The following MMP12 variants were observed in gnomAD, a reference collection of about 807,000 sequenced individuals.
The protein encoded by MMP12 is matrix metallopeptidase 12.
MMP12 carries 51 observed loss-of-function variants against 45.2 expected under a neutral mutation model. That is an observed-to-expected ratio of 1.13 (90% CI 0.90 to 1.42). The LOEUF is 1.42. Ranked by LOEUF, MMP12 falls within the 40% of genes most tolerant of loss-of-function variation. MMP12 has a pLI of 0.00. For synonymous variants in MMP12, 210 were observed against 193.3 expected, an observed-to-expected ratio of 1.09 and a Z score of -0.72; for missense variants, 530 against 570.8, an observed-to-expected ratio of 0.93 and a Z score of 0.73.
chr11:102,871,380 T>C (rs540603781), intron 4 of MMP12, among the ~76,000 whole-genome samples: 2 of 152,300 alleles, frequency 1.3e-5, no homozygotes, highest in African/African-American at 2.4e-5. Context: ...TCTAGTTTAA[T>C]ATCCTCAATT....
chr11:102,863,766 A>C (rs1332116270), intron 9 of MMP12, among the ~76,000 whole-genome samples: 1 of 152,182 alleles, frequency 6.6e-6, no homozygotes, highest in Non-Finnish European at 1.5e-5. Flanking sequence ...GGACTATAGG[A>C]AAGGTCAAGA....
chr11:102,870,677 C>G (rs1859477455), intron 4 of MMP12, among the ~76,000 whole-genome samples: 1 of 152,178 alleles, frequency 6.6e-6, no homozygotes, highest in Non-Finnish European at 1.5e-5. Context: ...CCCATGTCAA[C>G]TATCTGAGGA....
chr11:102,864,301 T>C (rs781873608), intron 8 of MMP12, 49 bp from the exon 9 acceptor site: 5 of 1,288,794 alleles, frequency 3.9e-6, no homozygotes, highest in Non-Finnish European at 5.6e-6. Flanking sequence ...GTGGCTTTCC[T>C]GACATGCACC....
At chr11:102,874,812 A>T (rs1555009851) in intron 1 of MMP12, 24 bp downstream of exon 1, 1 of 1,393,352 alleles carries the variant, frequency 7.2e-7, no homozygotes, top group South Asian at 1.2e-5. Flanking sequence ...CAAGCTCGAT[A>T]AATACTGTAG....
intron 1 of MMP12, among the ~76,000 whole-genome samples, 164 bp downstream of exon 1, chr11:102,874,672 T>G (rs954997884): frequency 2.6e-5 from 4 of 152,232 alleles, no homozygotes; most frequent in African/African-American, 9.6e-5. Flanking sequence ...TATTCCTCTT[T>G]GACAAAGTAA....
Position 102,863,083 on chromosome 11 carries a change from C to A in MMP12, c.*17G>T. 1.3e-6 allele frequency: 2 copies of A among 1,553,576 alleles called. No homozygotes were observed. Among genetic ancestry groups the A allele is most frequent in the African/African-American group, 1.4e-5 (1 of 73,184 alleles). ...TAAGCTGAAGTGAACTAACAAAAAC[C>A]ATTAATTACACCATTTCTAACAACC... On this transcript the variant is annotated 3_prime_UTR_variant, in exon 10 of 10. Coordinates refer to ENST00000571244, the MANE Select transcript of MMP12 (RefSeq NM_002426.6).
In MMP12 at chr11:102,863,067, G is replaced by C. The variant is rs781818933; in HGVS notation, c.*33C>G. 1.4e-6 allele frequency: 2 copies of C among 1,394,464 alleles called. No homozygotes were observed. The highest frequency in any genetic ancestry group is 4.6e-5 in the East Asian group (2 of 43,398). 86.4% of individuals were successfully genotyped at this position (1,394,464 alleles called of 1,614,324 possible). A position where few individuals can be genotyped will look rare whatever the true frequency, so the allele number is the denominator to read the frequency against. On this transcript the variant is annotated 3_prime_UTR_variant, in exon 10 of 10. Coordinates refer to ENST00000571244, the MANE Select transcript of MMP12 (RefSeq NM_002426.6). ...TGCAATAAATACTTATTAAGCTGAA[G>C]TGAACTAACAAAAACCATTAATTAC...
chr11:102,871,478 A>C (rs1459730592), intron 4 of MMP12, 116 bp downstream of exon 4: 3 of 1,284,688 alleles, frequency 2.3e-6, no homozygotes, highest in Non-Finnish European at 3.2e-6. Context: ...CCATCATATA[A>C]TCATTTGTCA....
At position 102,862,861 on chromosome 11, in the gene MMP12, C is replaced by T. The variant is rs1042509; in HGVS notation, c.*239G>A. On this transcript the variant is annotated 3_prime_UTR_variant, in exon 10 of 10. Transcript: ENST00000571244. ...TACAGAGCATGCTTCAAATAGAATT[C>T]TCTTGGCCTTTGAAGGTAACTATTT... 2.7e-5 allele frequency: 8 copies of T among 296,828 alleles called. No individual in the cohort carries two copies. The highest frequency in any genetic ancestry group is 1.2e-4 in the East Asian group (2 of 16,460). The allele number at this position is 296,828 out of a possible 1,614,324, so 18.4% of individuals were successfully genotyped here. A position where few individuals can be genotyped will look rare whatever the true frequency, so the allele number is the denominator to read the frequency against.
chr11:102,867,649 C>A (rs1555008775), intron 5 of MMP12, among the ~76,000 whole-genome samples: 1 of 152,110 alleles, frequency 6.6e-6, no homozygotes, highest in Non-Finnish European at 1.5e-5. Flanking sequence ...GGGCCTTCAT[C>A]AGTAAGGCAA....
chr11:102,868,174 T>A, intron 4 of MMP12, 105 bp from the exon 5 acceptor site: 1 of 1,047,902 alleles, frequency 9.5e-7, no homozygotes, highest in Non-Finnish European at 1.4e-6. Context: ...ATCTTTTACT[T>A]ATTTCTTTAC....
chr11:102,871,779 C>A (rs782174283), intron 3 of MMP12, 25 bp downstream of exon 3: 10 of 1,612,672 alleles, frequency 6.2e-6, no homozygotes, highest in Middle Eastern at 1.6e-4. Flanking sequence ...TGCCAAATGA[C>A]AAAGATGAAA....
chr11:102,870,617 G>C (rs1555009216), intron 4 of MMP12, among the ~76,000 whole-genome samples: 1 of 152,078 alleles, frequency 6.6e-6, no homozygotes, highest in East Asian at 1.9e-4. Flanking sequence ...TGATGGTTAG[G>C]GTTTTCCCAT....
At position 102,866,314 on chromosome 11, in the gene MMP12, C is replaced by A; in HGVS notation, c.1045+1G>T. 1 of 1,570,930 alleles carries A rather than the reference C, an allele frequency of 6.4e-7. No individual in the cohort carries two copies. The highest frequency in any genetic ancestry group is 8.6e-7 in the Non-Finnish European group (1 of 1,158,220). On this transcript the variant is annotated splice_donor_variant, in intron 7 of 9. Transcript: ENST00000571244. LOFTEE classifies it high-confidence loss of function. Reference sequence around the variant, plus strand: ...ATGGCAAAACTAAAGATTAGAATTACCTTTAAAAAGAAAAACTTGATTTCT... The same window carrying A: ...ATGGCAAAACTAAAGATTAGAATTAACTTTAAAAAGAAAAACTTGATTTCT...
chr11:102,869,952 C>A (rs190409806), intron 4 of MMP12, among the ~76,000 whole-genome samples: 87 of 152,182 alleles, frequency 5.7e-4, no homozygotes, highest in African/African-American at 2.1e-3. Context: ...ACAACAACAA[C>A]AAAAACGGCT....
At chr11:102,868,532 A>G (rs1859438032) in intron 4 of MMP12, among the ~76,000 whole-genome samples, 1 of 152,214 alleles carries the variant, frequency 6.6e-6, no homozygotes, top group South Asian at 2.1e-4. Flanking sequence ...ATGAAGCTTT[A>G]CTAGATATAG....
rs782796860 is a variant in MMP12, at chr11:102,867,975, G to A, written c.720C>T (p.Tyr240=). Residue 240 remains tyrosine, a synonymous_variant, in exon 5 of 10, where the codon TAC becomes TAT. Transcript: ENST00000571244. ...SDPKAVMFPT[Y]KYVDINTFRL... is the part of the protein sequence containing the mutation. ...GAAATGTGTTGATGTCAACATATTT[G>A]TAGGTGGGGAACATTACGGCCTTTG... 1 of 1,609,232 alleles carries A rather than the reference G, an allele frequency of 6.2e-7. No homozygotes were observed. Among genetic ancestry groups the A allele is most frequent in the Non-Finnish European group, 8.5e-7 (1 of 1,177,904 alleles).
Position 102,865,848 on chromosome 11 carries a change from T to C in MMP12, c.1133A>G (p.Lys378Arg), listed in dbSNP as rs1859375471. Residue 378 changes from lysine (K) to arginine (R), a missense_variant, in exon 8 of 10, where the codon AAA becomes AGA. Coordinates refer to ENST00000571244, the MANE Select transcript of MMP12 (RefSeq NM_002426.6). The surrounding 1 kb of genome is among the most constrained non-coding windows in gnomAD (Gnocchi z 4.1). ...IHSFGFPNFVKKIDAAVFNPR... is the reference protein window; with the variant it reads ...IHSFGFPNFVRKIDAAVFNPR... The stretch of plus-strand genomic sequence containing the variant: ...GTTAAAAACAGCTGCATCAATTTTT[T>C]TCACAAAGTTAGGAAAACCAAAAGA... 1 of 1,613,240 alleles carries C rather than the reference T, an allele frequency of 6.2e-7. No homozygotes were observed. Among genetic ancestry groups the C allele is most frequent in the Non-Finnish European group, 8.5e-7 (1 of 1,179,474 alleles).
chr11:102,864,146 T>C lies in MMP12; in HGVS notation c.1312A>G (p.Lys438Glu), dbSNP rs1555008177. Residue 438 changes from lysine (K) to glutamate (E), a missense_variant and splice_region_variant, in exon 9 of 10, where the codon AAA becomes GAA. Transcript: ENST00000571244. Reference sequence around the variant, plus strand: ...CTTCATGGTTTCCTCATCTACTTACTGTTTTTAGAGTAGAAGACTGCATCA... The same window carrying C: ...CTTCATGGTTTCCTCATCTACTTACCGTTTTTAGAGTAGAAGACTGCATCA... ...KIDAVFYSKNKYYYFFQGSNQ... is the reference protein window; with the variant it reads ...KIDAVFYSKNEYYYFFQGSNQ... The C allele has an allele frequency of 1.3e-6, 2 of 1,586,676 alleles. No individual in the cohort carries two copies. The highest frequency in any genetic ancestry group is 2.2e-5 in the South Asian group (2 of 90,488).
Sources: allele counts gnomAD v4.1 joint callset (sites outside exome capture counted in the v4.1 genomes callset), GRCh38; gene constraint gnomAD v4.1.1; non-coding constraint Gnocchi (gnomAD v3.1); transcripts MANE v1.5; gene names NCBI Gene and HGNC (gene_info 2026-07-23, HGNC 2026-07-21).